Variants in KLHL14 observed in about 807,000 individuals in gnomAD.
The protein encoded by KLHL14 is kelch-like protein 14.
Under a neutral mutation model 64.3 loss-of-function variants are expected in KLHL14, and 22 were observed. The observed-to-expected ratio is 0.34, with a 90% CI of 0.24 to 0.49. KLHL14 has a LOEUF of 0.49. Ranked by LOEUF, KLHL14 falls within the 20% of genes least tolerant of loss-of-function variation. The pLI, the probability that KLHL14 is intolerant of heterozygous loss-of-function variation, is 0.99. For synonymous variants in KLHL14, 322 were observed against 333.4 expected (o/e 0.97, Z 0.37); for missense variants, 661 against 789.0 (o/e 0.84, Z 1.94).
At chr18:32,739,113 T>G (rs1004866441) in intron 3 of KLHL14, among the ~76,000 whole-genome samples, 1 of 152,044 alleles carries the variant, frequency 6.6e-6, no homozygotes. Flanking sequence ...GCTAGTTAGT[T>G]TGCATGGAGA....
chr18:32,754,540 C>T (rs1411450133), intron 2 of KLHL14, among the ~76,000 whole-genome samples: 1 of 152,228 alleles, frequency 6.6e-6, no homozygotes, highest in African/African-American at 2.4e-5. Context: ...AGCAACCTGA[C>T]ATTCTGAAGA....
intron 3 of KLHL14, among the ~76,000 whole-genome samples, chr18:32,721,050 GA>G (rs1241800500): frequency 6.6e-6 from 1 of 152,196 alleles, no homozygotes; most frequent in African/African-American, 2.4e-5. Flanking sequence ...GTGGCATGAT[GA>G]AAGCGCAATT....
At chr18:32,732,934 C>T (rs1598568438) in intron 3 of KLHL14, among the ~76,000 whole-genome samples, 1 of 152,258 alleles carries the variant, frequency 6.6e-6, no homozygotes, top group East Asian at 1.9e-4. Context: ...AATGAACTTC[C>T]ACCTCCAAGG....
At chr18:32,677,085 C>G in intron 8 of KLHL14, 88 bp downstream of exon 8, 1 of 1,328,292 alleles carries the variant, frequency 7.5e-7, no homozygotes, top group Middle Eastern at 1.9e-4. Context: ...TTAAAAGGTA[C>G]ATGTGTGGAG....
chr18:32,764,656 AT>A (rs2050331257), intron 2 of KLHL14, among the ~76,000 whole-genome samples: 1 of 152,172 alleles, frequency 6.6e-6, no homozygotes, highest in Non-Finnish European at 1.5e-5. Flanking sequence ...AAAGAATAAT[AT>A]TTCATGATGT....
intron 2 of KLHL14, among the ~76,000 whole-genome samples, chr18:32,764,767 G>A (rs981645905): frequency 1.3e-5 from 2 of 152,126 alleles, no homozygotes; most frequent in Non-Finnish European, 2.9e-5. Context: ...TGCACTACAG[G>A]TGAAGAGTAG....
intron 2 of KLHL14, among the ~76,000 whole-genome samples, chr18:32,766,850 G>A (rs1357534): frequency 0.93 from 142,001 of 152,088 alleles, 67,082 homozygotes; most frequent in Non-Finnish European, 1. Flanking sequence ...TAGGCTTAAT[G>A]AAAACTCAAA....
chr18:32,749,745 A>C (rs1285775968), intron 2 of KLHL14, among the ~76,000 whole-genome samples: 1 of 152,178 alleles, frequency 6.6e-6, no homozygotes, highest in Non-Finnish European at 1.5e-5. Flanking sequence ...GCATAAAAGC[A>C]GTAAATGGGC....
At chr18:32,705,301 A>C (rs1213297775) in intron 3 of KLHL14, among the ~76,000 whole-genome samples, 1 of 152,264 alleles carries the variant, frequency 6.6e-6, no homozygotes, top group Non-Finnish European at 1.5e-5. Context: ...ACACAAAGAA[A>C]TGATAAATGT....
intron 2 of KLHL14, among the ~76,000 whole-genome samples, chr18:32,768,568 C>A (rs1397829016): frequency 5.9e-5 from 9 of 152,094 alleles, no homozygotes; most frequent in Non-Finnish European, 1.3e-4. Flanking sequence ...GCTGGAGTAG[C>A]CTGGCATCTG....
At chr18:32,686,177 A>ATTTTTTTTTT (rs148393455) in intron 5 of KLHL14, among the ~76,000 whole-genome samples, 2,799 of 107,500 alleles carry the variant, frequency 0.026, 1 homozygote, top group Non-Finnish European at 0.031. Context: ...GTGCCCGGCT[A>ATTTTTTTTTT]TTTTTTTTTT....
intron 3 of KLHL14, among the ~76,000 whole-genome samples, chr18:32,712,049 C>G (rs1171945919): frequency 6.6e-6 from 1 of 152,148 alleles, no homozygotes; most frequent in African/African-American, 2.4e-5. Context: ...ACTGGCCCAC[C>G]ATTTGTTTTT....
chr18:32,772,142 G>A (rs1424935225), intron 1 of KLHL14: 4 of 265,460 alleles, frequency 1.5e-5, no homozygotes, highest in Non-Finnish European at 3.0e-5. Context: ...GAGAGCCGCC[G>A]CCGCCGCCCG....
At chr18:32,756,750 A>G (rs1378758114) in intron 2 of KLHL14, among the ~76,000 whole-genome samples, 1 of 152,216 alleles carries the variant, frequency 6.6e-6, no homozygotes, top group Non-Finnish European at 1.5e-5. Context: ...AATTTTGAAT[A>G]CAACAATGCC....
Position 32,680,528 on chromosome 18 carries a change from T to A in KLHL14, c.1310A>T (p.Tyr437Phe). 6.2e-7 allele frequency: 1 copy of A among 1,613,808 alleles called. No homozygotes were observed. The highest frequency in any genetic ancestry group is 8.5e-7 in the Non-Finnish European group (1 of 1,179,886). The change falls in exon 6 of 9, where the codon TAC (tyrosine) becomes TTC (phenylalanine). Residue 437 changes from tyrosine (Y) to phenylalanine (F), a missense_variant. Tyr to Phe is a conservative substitution (Grantham distance 22, BLOSUM62 3). This residue lies in a region of KLHL14 where 330 missense variants were observed against 450.0 expected (regional missense o/e 0.73). Coordinates refer to ENST00000359358, the MANE Select transcript of KLHL14 (RefSeq NM_020805.3). The surrounding 1 kb of genome is among the most constrained non-coding windows in gnomAD (Gnocchi z 4.8). ...YVIGGRNETG[Y>F]LSSVECYNLE... ...GTTATAGCACTCCACGCTGGACAAG[T>A]AGCCAGTTTCATTCCTTCCACCAAT...
intron 3 of KLHL14, among the ~76,000 whole-genome samples, chr18:32,735,029 A>G (rs1017369720): frequency 5.9e-5 from 9 of 152,204 alleles, no homozygotes; most frequent in African/African-American, 2.2e-4. Flanking sequence ...TACACGTCAT[A>G]ATTTGCAATT....
chr18:32,719,028 A>C (rs1465460648), intron 3 of KLHL14, among the ~76,000 whole-genome samples: 1 of 152,102 alleles, frequency 6.6e-6, no homozygotes, highest in Non-Finnish European at 1.5e-5. Flanking sequence ...GGCTCACCAC[A>C]ACCTCTGCCT....
At chr18:32,707,132 G>A (rs2049994479) in intron 3 of KLHL14, among the ~76,000 whole-genome samples, 1 of 152,226 alleles carries the variant, frequency 6.6e-6, no homozygotes, top group African/African-American at 2.4e-5. Context: ...AGCCCATGGG[G>A]CAGTAGGATG....
chr18:32,697,438 C>G (rs983322111), intron 3 of KLHL14, among the ~76,000 whole-genome samples: 16 of 152,316 alleles, frequency 1.1e-4, no homozygotes, highest in African/African-American at 3.8e-4. Flanking sequence ...CATCAATTCA[C>G]ATGAGATACA....
Sources: gnomAD v4.1 joint callset for allele counts (sites outside exome capture counted in the v4.1 genomes callset) on GRCh38, gnomAD v4.1.1 for gene constraint, gnomAD v4.1.1 regional missense constraint, Gnocchi (gnomAD v3.1) non-coding constraint, MANE v1.5 for transcripts, NCBI Gene and HGNC (gene_info 2026-07-23, HGNC 2026-07-21) for gene names.